ERO1B: variants seen among roughly 807,000 people sequenced by gnomAD.
The protein encoded by ERO1B is endoplasmic reticulum oxidoreductase 1 beta, also known as ERO1-like protein beta.
A neutral mutation model predicts 75.3 loss-of-function variants in ERO1B; 49 were observed. The ratio of observed to expected loss-of-function variants is 0.65; its 90% CI spans 0.52 to 0.83. ERO1B has a LOEUF of 0.83. ERO1B is among the 40% of genes least tolerant of loss of function. ERO1B has a pLI of 0.00. For synonymous variants in ERO1B, 191 were observed against 192.9 expected, an observed-to-expected ratio of 0.99 and a Z score of 0.08; for missense variants, 512 against 560.1, an observed-to-expected ratio of 0.91 and a Z score of 0.87.
chr1:236,265,451 C>T (rs867558763), intron 2 of ERO1B, among the ~76,000 whole-genome samples: 3 of 152,128 alleles, frequency 2.0e-5, no homozygotes, highest in African/African-American at 7.2e-5. Context: ...CTATATCATA[C>T]GTCACACTCA....
chr1:236,266,827 G>A (rs1456108233), intron 2 of ERO1B, among the ~76,000 whole-genome samples: 1 of 152,108 alleles, frequency 6.6e-6, no homozygotes, highest in Non-Finnish European at 1.5e-5. Context: ...CTAGATCATG[G>A]CATTAACCCT....
At chr1:236,248,118 T>C (rs1664930028) in intron 5 of ERO1B, among the ~76,000 whole-genome samples, 1 of 152,248 alleles carries the variant, frequency 6.6e-6, no homozygotes, top group African/African-American at 2.4e-5. Context: ...TCCATTACGC[T>C]ACTGGATTCC....
chr1:236,268,815 A>G lies in ERO1B; in HGVS notation c.222+1060T>C, dbSNP rs534450483. 7.9e-5 allele frequency among the ~76,000 whole-genome samples: 12 copies of G among 151,454 alleles called. 2 individuals are homozygous for G. Among genetic ancestry groups the G allele is most frequent in the African/African-American group, 2.7e-4 (11 of 41,298 alleles). On this transcript the variant is annotated intron_variant, in intron 2 of 15. Transcript: ENST00000354619. Reference sequence around the variant, plus strand: ...GCAGGAGAATGGTGTGAACCTGGGAAGTAGAGCTTGCAGTGAGCCGAGATC... The same window carrying G: ...GCAGGAGAATGGTGTGAACCTGGGAGGTAGAGCTTGCAGTGAGCCGAGATC...
intron 14 of ERO1B, chr1:236,221,701 A>G (rs1220756442): frequency 2.2e-6 from 1 of 464,246 alleles, no homozygotes; most frequent in Admixed American, 4.0e-5. Context: ...AGAAACATAG[A>G]CACAATAAAA....
chr1:236,280,229 A>G (rs970346087), intron 1 of ERO1B, among the ~76,000 whole-genome samples: 1 of 152,272 alleles, frequency 6.6e-6, no homozygotes, highest in African/African-American at 2.4e-5. Context: ...GCATAAATTA[A>G]TATGTGCTAT....
intron 15 of ERO1B, among the ~76,000 whole-genome samples, chr1:236,219,900 C>G (rs941241): frequency 6.6e-6 from 1 of 151,512 alleles, no homozygotes; most frequent in Non-Finnish European, 1.5e-5. Context: ...AGCATGTGTC[C>G]GTAGTCCCAG....
At chr1:236,269,556 A>AGTAG (rs1471466519) in intron 2 of ERO1B, among the ~76,000 whole-genome samples, 44 of 152,224 alleles carry the variant, frequency 2.9e-4, no homozygotes, top group African/African-American at 8.9e-4. Context: ...TCAAAGGCTG[A>AGTAG]GTAGGTGTGT....
chr1:236,257,093 G>T (rs779414584), intron 2 of ERO1B, among the ~76,000 whole-genome samples: 3 of 152,112 alleles, frequency 2.0e-5, no homozygotes, highest in Non-Finnish European at 4.4e-5. Context: ...CAAGGGAATG[G>T]CTTCTATACC....
At chr1:236,239,851 G>GTA (rs1192575122) in intron 6 of ERO1B, among the ~76,000 whole-genome samples, 10,501 of 57,708 alleles carry the variant, frequency 0.18, 157 homozygotes, top group South Asian at 0.22. Flanking sequence ...ATATATATGT[G>GTA]TATATATGTA....
In ERO1B at chr1:236,238,773, T is replaced by A. The variant is rs541517648; in HGVS notation, c.506-2375A>T. On this transcript the variant is annotated intron_variant, in intron 6 of 15. Coordinates refer to ENST00000354619, the MANE Select transcript of ERO1B (RefSeq NM_019891.4). ...GTGTGTGTACATGTAGGACTACATG[T>A]GTATAGAATCCTCTACAAACGTGCA... Among the ~76,000 whole-genome samples, 7 of 152,098 alleles carry A rather than the reference T, an allele frequency of 4.6e-5. No homozygotes were observed. In the East Asian group the frequency reaches 1.3e-3, roughly 29 times the overall value.
At chr1:236,279,514 A>AAAAAC (rs1440221435) in intron 1 of ERO1B, among the ~76,000 whole-genome samples, 1 of 143,920 alleles carries the variant, frequency 6.9e-6, no homozygotes, top group African/African-American at 2.5e-5. Context: ...CAAAAAAAAA[A>AAAAAC]AAAAAACAGC....
intron 13 of ERO1B, among the ~76,000 whole-genome samples, chr1:236,223,250 T>A (rs1749558): frequency 6.7e-6 from 1 of 150,100 alleles, no homozygotes; most frequent in African/African-American, 2.5e-5. Context: ...CTGGGGAAAT[T>A]CTTCTGCCTA....
chr1:236,230,142 A>C, intron 10 of ERO1B, 82 bp downstream of exon 10: 3 of 1,150,566 alleles, frequency 2.6e-6, no homozygotes, highest in Non-Finnish European at 3.8e-6. Context: ...TAGGTAATAA[A>C]ATCCTAGACC....
At chr1:236,221,271 C>T (rs1572027667) in intron 14 of ERO1B, among the ~76,000 whole-genome samples, 1 of 152,042 alleles carries the variant, frequency 6.6e-6, no homozygotes, top group Admixed American at 6.5e-5. Flanking sequence ...AATTTGTAAC[C>T]ATAAAGGACT....
intron 15 of ERO1B, 58 bp downstream of exon 15, chr1:236,220,774 T>C: frequency 6.9e-7 from 1 of 1,451,926 alleles, no homozygotes; most frequent in South Asian, 1.7e-5. Flanking sequence ...AGATTATCTT[T>C]GCAGTTTGTT....
chr1:236,234,594 G>A (rs1445429488), intron 8 of ERO1B, among the ~76,000 whole-genome samples: 5 of 152,146 alleles, frequency 3.3e-5, no homozygotes, highest in Non-Finnish European at 7.4e-5. Flanking sequence ...TCTTTTTCAG[G>A]ACCAACTTCC....
intron 1 of ERO1B, among the ~76,000 whole-genome samples, chr1:236,270,814 A>G (rs1665571627): frequency 6.6e-6 from 1 of 152,192 alleles, no homozygotes; most frequent in Admixed American, 6.5e-5. Flanking sequence ...AATTTTAGAA[A>G]TGGAAAGCAT....
rs1190956877 is a variant in ERO1B, at chr1:236,236,407, G to GA, written c.506-10dup. On this transcript the variant is annotated splice_polypyrimidine_tract_variant and intron_variant, in intron 6 of 15. Transcript: ENST00000354619. ...AGCTGGAGATCTCTCATCTGAACAA[G>GA]AAAAAATTCATAAAAACCATCCATA... is the stretch of plus-strand genomic sequence containing the variant. 9 of 1,612,158 alleles carry GA rather than the reference G, an allele frequency of 5.6e-6. No homozygotes were observed. Among genetic ancestry groups the GA allele is most frequent in the Non-Finnish European group, 6.8e-6 (8 of 1,179,472 alleles).
rs929335170 is a variant in ERO1B, at chr1:236,235,898, T to A, written c.627-63A>T. 16 of 1,437,934 alleles carry A rather than the reference T, an allele frequency of 1.1e-5. No individual in the cohort carries two copies. The South Asian group carries it at 2.0e-4, about 18-fold the overall frequency. The allele number at this position is 1,437,934 out of a possible 1,614,324, so 89.1% of individuals were successfully genotyped here. On this transcript the variant is annotated intron_variant, in intron 7 of 15. Transcript: ENST00000354619. ...TTAACTTTTATAGTGTATAATTTTA[T>A]TCCAATAGAAACAAATACTCCCCTC...
Sources: allele counts gnomAD v4.1 joint callset (sites outside exome capture counted in the v4.1 genomes callset), GRCh38; gene constraint gnomAD v4.1.1; transcripts MANE v1.5; gene names NCBI Gene and HGNC (gene_info 2026-07-23, HGNC 2026-07-21).